The following LARP4B variants were observed in gnomAD, a reference collection of about 807,000 sequenced individuals.
LARP4B encodes la-related protein 4B.
A neutral mutation model predicts 89.8 loss-of-function variants in LARP4B; 12 were observed. That is an observed-to-expected ratio of 0.13 (90% CI 0.09 to 0.22). The LOEUF is 0.22. LARP4B is among the 10% of genes least tolerant of loss of function. The pLI, the probability that LARP4B is intolerant of heterozygous loss-of-function variation, is 1.00. For synonymous variants in LARP4B, 367 were observed against 363.3 expected (o/e 1.01, Z -0.12); for missense variants, 757 against 947.7 (o/e 0.80, Z 2.64).
At chr10:984,902 A>G in the LARP4B span, among the ~76,000 whole-genome samples, 1 of 152,208 alleles carries the variant, frequency 6.6e-6, no homozygotes. Flanking sequence ...ATTGCACTCC[A>G]GCCTAGGCGA....
the LARP4B span, among the ~76,000 whole-genome samples, chr10:960,860 A>G: frequency 1.3e-5 from 2 of 152,106 alleles, no homozygotes; most frequent in Admixed American, 1.3e-4. Context: ...CTGGGATGTC[A>G]TCATTTATAT....
chr10:985,613 C>T, the LARP4B span: 1 of 152,240 alleles, frequency 6.6e-6, no homozygotes, highest in African/African-American at 2.4e-5. Context: ...TGCCTTCCAC[C>T]TAAGGAGGTG....
the LARP4B span, among the ~76,000 whole-genome samples, chr10:955,880 C>T: frequency 4.9e-4 from 75 of 152,256 alleles, no homozygotes; most frequent in East Asian, 0.011. This position sits in a 1 kb window ranked among gnomAD's most constrained non-coding sequence, Gnocchi z 5.2. Flanking sequence ...GCCTTGAGTT[C>T]CTCCTCTCAC....
At chr10:977,728 A>AATACCTCCTG in the LARP4B span, among the ~76,000 whole-genome samples, 6 of 152,214 alleles carry the variant, frequency 3.9e-5, no homozygotes, top group African/African-American at 1.4e-4. Flanking sequence ...TCACCTAGAG[A>AATACCTCCTG]TGACAAAGTA....
rs894094950 is a variant in LARP4B at position 814,450 on chromosome 10, A to C, written c.1929+292T>G. 6.4e-6 allele frequency: 3 copies of C among 470,460 alleles called. No individual in the cohort carries two copies. Among genetic ancestry groups the C allele is most frequent in the Non-Finnish European group, 1.2e-5 (3 of 249,952 alleles). 29.1% of individuals were successfully genotyped at this position (470,460 alleles called of 1,614,324 possible). Reference sequence around the variant, plus strand: ...GCGCGAAATGCTGAAATGATCCTAAAGTCTATGGAGAAACAGGAGCTGGGG... The same window carrying C: ...GCGCGAAATGCTGAAATGATCCTAACGTCTATGGAGAAACAGGAGCTGGGG... On this transcript the variant is annotated intron_variant, in intron 17 of 17. Transcript: ENST00000316157. The surrounding 1 kb of genome is among the most constrained non-coding windows in gnomAD (Gnocchi z 4.4).
chr10:964,785 C>T, the LARP4B span, among the ~76,000 whole-genome samples: 20 of 152,188 alleles, frequency 1.3e-4, no homozygotes, highest in Admixed American at 5.2e-4. Flanking sequence ...TGTGGGGTGC[C>T]GGGGCTGCGG....
At chr10:881,476 C>T (rs973619081) in intron 3 of LARP4B, among the ~76,000 whole-genome samples, 1 of 152,186 alleles carries the variant, frequency 6.6e-6, no homozygotes, top group African/African-American at 2.4e-5. Flanking sequence ...CTGCCTCTAT[C>T]TCCACCCCAC....
the LARP4B span, chr10:972,515 G>A: frequency 4.4e-6 from 2 of 457,108 alleles, no homozygotes; most frequent in Non-Finnish European, 8.8e-6. Context: ...GGGGTGACAG[G>A]TTCCAAAGGG....
At position 864,253 on chromosome 10, in the gene LARP4B, A is replaced by G. The variant is rs561018353; in HGVS notation, c.159T>C (p.Val53=). 1.2e-6 allele frequency: 2 copies of G among 1,614,198 alleles called. No homozygotes were observed. The highest frequency in any genetic ancestry group is 1.7e-6 in the Non-Finnish European group (2 of 1,180,026). ...PPLSQVPATK[V]SELNPNAEVW... ...CTTCTGCATTAGGGTTCAGCTCTGA[A>G]ACCTTAGTTGCTGGTACCTAGGAAG... The change falls in exon 4 of 18, where the codon GTT becomes GTC. Residue 53 remains valine (V), a synonymous_variant. Transcript: ENST00000316157.
intron 5 of LARP4B, among the ~76,000 whole-genome samples, chr10:857,242 G>T (rs576053559): frequency 2.1e-4 from 32 of 152,224 alleles, no homozygotes; most frequent in Admixed American, 1.9e-3. Context: ...AAGATGCTAA[G>T]GGCTCAAATG....
Position 844,011 on chromosome 10 carries a change from A to G in LARP4B, c.510-943T>C, listed in dbSNP as rs535575399. Among the ~76,000 whole-genome samples the G allele has an allele frequency of 2.0e-5, 3 of 152,362 alleles. No individual in the cohort carries two copies. The East Asian group carries it at 5.8e-4, about 29-fold the overall frequency. ...GAATTCTCAAGGCATCATGTAATGT[A>G]GTGAACAAGGCCCTAAGAAACATTT... On this transcript the variant is annotated intron_variant, in intron 6 of 17. Coordinates refer to ENST00000316157, the MANE Select transcript of LARP4B (RefSeq NM_015155.3).
At chr10:960,083 G>A in the LARP4B span, among the ~76,000 whole-genome samples, 3 of 152,314 alleles carry the variant, frequency 2.0e-5, no homozygotes, top group South Asian at 6.2e-4. Context: ...CCATGAAAAG[G>A]CATGGAGGAA....
chr10:920,938 A>T (rs1290263697), intron 1 of LARP4B, among the ~76,000 whole-genome samples: 1 of 152,202 alleles, frequency 6.6e-6, no homozygotes, highest in African/African-American at 2.4e-5. Context: ...TATGCTTTAC[A>T]ATAAATTTAC....
chr10:933,508 G>A (rs1830710595), upstream of LARP4B, among the ~76,000 whole-genome samples: 1 of 152,150 alleles, frequency 6.6e-6, no homozygotes, highest in African/African-American at 2.4e-5. Flanking sequence ...TTGACATCAA[G>A]GTTGGGTGCC....
chr10:971,846 T>C, the LARP4B span: 6 of 153,786 alleles, frequency 3.9e-5, no homozygotes, highest in African/African-American at 1.4e-4. Flanking sequence ...GCGCGGAGTC[T>C]GCTAGTGCCC....
intron 5 of LARP4B, among the ~76,000 whole-genome samples, chr10:847,886 C>A (rs1268644571): frequency 6.6e-6 from 1 of 152,118 alleles, no homozygotes; most frequent in East Asian, 1.9e-4. Flanking sequence ...GAGGGAAGTC[C>A]CAGGCTGTGC....
intron 5 of LARP4B, among the ~76,000 whole-genome samples, chr10:858,634 G>A (rs1834429402): frequency 6.6e-6 from 1 of 152,186 alleles, no homozygotes; most frequent in Non-Finnish European, 1.5e-5. Context: ...AAATAATTGT[G>A]ATTGATGTAT....
rs1360676109 is a variant in LARP4B at position 881,924 on chromosome 10, A to AGTTTTGAT, written c.141+2515_141+2522dup. Among the ~76,000 whole-genome samples, 3 of 152,164 alleles carry AGTTTTGAT rather than the reference A, an allele frequency of 2.0e-5. No homozygotes were observed. In the East Asian group the frequency reaches 5.8e-4, roughly 29 times the overall value. On this transcript the variant is annotated intron_variant, in intron 3 of 17. Transcript: ENST00000316157. The stretch of plus-strand genomic sequence containing the variant: ...TTAGCCATCATGATCACTTGCACTC[A>AGTTTTGAT]GTTTTGATGAATGGATGGATACTCA...
intron 8 of LARP4B, among the ~76,000 whole-genome samples, chr10:832,120 T>G (rs948396392): frequency 6.6e-6 from 1 of 152,240 alleles, no homozygotes; most frequent in African/African-American, 2.4e-5. Context: ...CTCGGCTCAC[T>G]GCAAGCTCTG....
Sources: gnomAD v4.1 joint callset for allele counts (sites outside exome capture counted in the v4.1 genomes callset) on GRCh38, gnomAD v4.1.1 for gene constraint, Gnocchi (gnomAD v3.1) non-coding constraint, MANE v1.5 for transcripts, NCBI Gene and HGNC (gene_info 2026-07-23, HGNC 2026-07-21) for gene names.